The following RSRC1 variants were observed in gnomAD, a reference collection of about 807,000 sequenced individuals.
RSRC1 encodes arginine and serine rich coiled-coil 1, also known as serine/Arginine-related protein 53.
RSRC1 carries 39 observed loss-of-function variants against 49.1 expected under a neutral mutation model. The ratio of observed to expected loss-of-function variants is 0.79; its 90% CI spans 0.61 to 1.04. The LOEUF (loss-of-function observed/expected upper bound fraction) is 1.04. Ranked by LOEUF, RSRC1 falls within the 50% of genes least tolerant of loss-of-function variation. RSRC1 has a pLI of 0.00. For missense variants in RSRC1, 388 were observed against 402.4 expected (o/e 0.96, Z 0.31); for synonymous variants, 143 against 130.8 (o/e 1.09, Z -0.63).
intron 5 of RSRC1, among the ~76,000 whole-genome samples, chr3:158,354,162 TG>T (rs1242452925): frequency 6.6e-6 from 1 of 152,064 alleles, no homozygotes; most frequent in African/African-American, 2.4e-5. Flanking sequence ...AGCTACTTTT[TG>T]TATTTTTAGT....
intron 6 of RSRC1, among the ~76,000 whole-genome samples, chr3:158,445,106 A>G (rs1445000335): frequency 2.6e-5 from 4 of 152,202 alleles, no homozygotes; most frequent in Admixed American, 6.5e-5. Flanking sequence ...CGATTCCTCA[A>G]GGATCTAGAA....
At chr3:158,184,607 A>G (rs1724725) in intron 3 of RSRC1, among the ~76,000 whole-genome samples, 146,287 of 152,204 alleles carry the variant, frequency 0.96, 70,358 homozygotes, top group East Asian at 1. Flanking sequence ...ATAAAACAAG[A>G]GAGTTGGAAG....
Position 158,275,788 on chromosome 3 carries a change from A to G in RSRC1, c.495-22251A>G, listed in dbSNP as rs192522809. The G allele has an allele frequency of 2.2e-4, 107 of 485,490 alleles. No homozygotes were observed. In the East Asian group the frequency reaches 5.6e-3, roughly 26 times the overall value. 30.1% of individuals were successfully genotyped at this position (485,490 alleles called of 1,614,324 possible). ...GCCCTAAATAGTTTATTAGGTATGA[A>G]TTTTACAAACTTTACCTATATTAGT... On this transcript the variant is annotated intron_variant, in intron 4 of 9. Transcript: ENST00000611884.
chr3:158,159,731 T>C (rs2108223526), intron 3 of RSRC1, among the ~76,000 whole-genome samples: 1 of 152,298 alleles, frequency 6.6e-6, no homozygotes, highest in South Asian at 2.1e-4. Flanking sequence ...CACTCCATAG[T>C]TCTTTAACTT....
At chr3:158,329,431 C>A (rs1045689879) in intron 5 of RSRC1, among the ~76,000 whole-genome samples, 16 of 152,120 alleles carry the variant, frequency 1.1e-4, no homozygotes, top group African/African-American at 3.9e-4. Context: ...GATGTCCTTT[C>A]TGTTTGTTAG....
chr3:158,316,406 C>T (rs1357275101), intron 5 of RSRC1, among the ~76,000 whole-genome samples: 1 of 143,468 alleles, frequency 7.0e-6, no homozygotes, highest in Non-Finnish European at 1.5e-5. Flanking sequence ...TTTCCACCTG[C>T]TTTTTCTAAT....
intron 3 of RSRC1, among the ~76,000 whole-genome samples, chr3:158,151,905 A>G (rs1015094692): frequency 6.6e-6 from 1 of 152,162 alleles, no homozygotes; most frequent in Non-Finnish European, 1.5e-5. Flanking sequence ...TGATTTAACT[A>G]TGTAACATAT....
At chr3:158,157,686 C>A (rs1717959054) in intron 3 of RSRC1, among the ~76,000 whole-genome samples, 1 of 152,144 alleles carries the variant, frequency 6.6e-6, no homozygotes. Context: ...GAGGCCAAGG[C>A]AGGCGGATCA....
intron 7 of RSRC1, among the ~76,000 whole-genome samples, chr3:158,535,607 A>G (rs1359262909): frequency 6.6e-6 from 1 of 151,382 alleles, no homozygotes; most frequent in Non-Finnish European, 1.5e-5. Context: ...GGCTAATTTC[A>G]GGTCTGGGAC....
chr3:158,244,951 A>G (rs975021308), intron 4 of RSRC1, among the ~76,000 whole-genome samples: 13 of 146,216 alleles, frequency 8.9e-5, no homozygotes, highest in Admixed American at 1.4e-4. Context: ...GGTTGTATCT[A>G]TTTTATTAAT....
chr3:158,379,569 T>A (rs1488725447), intron 6 of RSRC1, among the ~76,000 whole-genome samples: 1 of 152,038 alleles, frequency 6.6e-6, no homozygotes, highest in Non-Finnish European at 1.5e-5. Context: ...TCCGATGAGC[T>A]ATCTTTTTTT....
intron 5 of RSRC1, among the ~76,000 whole-genome samples, chr3:158,314,404 C>CT (rs11382163): frequency 0.44 from 64,182 of 145,506 alleles, 14,111 homozygotes; most frequent in East Asian, 0.64. Flanking sequence ...AAAAAAAATT[C>CT]TTTTTTTTTT....
intron 5 of RSRC1, among the ~76,000 whole-genome samples, chr3:158,347,191 A>G (rs954759689): frequency 2.0e-5 from 3 of 152,182 alleles, no homozygotes; most frequent in African/African-American, 7.2e-5. Context: ...TTATACTGTA[A>G]GATCCTTGAA....
intron 5 of RSRC1, 112 bp from the exon 6 acceptor site, chr3:158,354,745 C>T (rs1179962233): frequency 2.8e-6 from 2 of 724,542 alleles, no homozygotes; most frequent in Non-Finnish European, 4.5e-6. Context: ...TATGTTAAAG[C>T]TCTTTAAATT....
chr3:158,540,648 C>A (rs1406407791), intron 8 of RSRC1, among the ~76,000 whole-genome samples: 1 of 151,924 alleles, frequency 6.6e-6, no homozygotes, highest in East Asian at 1.9e-4. Context: ...CTTCACAATC[C>A]ACAGCCACCA....
chr3:158,436,484 C>A (rs1484301597), intron 6 of RSRC1, among the ~76,000 whole-genome samples: 1 of 151,730 alleles, frequency 6.6e-6, no homozygotes, highest in East Asian at 1.9e-4. Context: ...GTACATGTGC[C>A]CACACGTGCA....
intron 5 of RSRC1, among the ~76,000 whole-genome samples, chr3:158,327,034 T>C (rs2108183876): frequency 6.6e-6 from 1 of 152,234 alleles, no homozygotes; most frequent in East Asian, 1.9e-4. Flanking sequence ...TTTATAGTAT[T>C]CTCTGATGGT....
chr3:158,228,905 C>T (rs1280689577), intron 4 of RSRC1, among the ~76,000 whole-genome samples: 4 of 130,652 alleles, frequency 3.1e-5, no homozygotes, highest in Non-Finnish European at 5.0e-5. Context: ...TATAAACACA[C>T]ATACGTGTAT....
intron 3 of RSRC1, among the ~76,000 whole-genome samples, chr3:158,198,686 G>A (rs189332400): frequency 1.2e-3 from 186 of 152,028 alleles, no homozygotes; most frequent in African/African-American, 4.3e-3. Context: ...CCCACTGTCC[G>A]ACACTCCCCA....
Sources: allele counts gnomAD v4.1 joint callset (sites outside exome capture counted in the v4.1 genomes callset), GRCh38; gene constraint gnomAD v4.1.1; transcripts MANE v1.5; gene names NCBI Gene and HGNC (gene_info 2026-07-23, HGNC 2026-07-21).